ABCA4: variants seen among roughly 807,000 people sequenced by gnomAD.
The protein encoded by ABCA4 is retinal-specific phospholipid-transporting ATPase ABCA4.
In ABCA4, 196 loss-of-function variants were observed where a neutral mutation model predicts 263.7. The observed-to-expected ratio is 0.74, with a 90% CI of 0.66 to 0.84. The LOEUF is 0.84. Among genes scored for constraint, ABCA4 ranks in the 40% least tolerant of loss-of-function variants. The pLI is 0.00. For missense variants in ABCA4, 2,792 were observed against 2,855.1 expected (o/e 0.98, Z 0.50); for synonymous variants, 1,133 against 1,094.2 (o/e 1.04, Z -0.70).
intron 16 of ABCA4, 67 bp downstream of exon 16, chr1:94,055,044 G>A: frequency 7.0e-7 from 1 of 1,426,464 alleles, no homozygotes; most frequent in Non-Finnish European, 9.9e-7. Context: ...ATTTAAACTA[G>A]ATGAATGGAG....
chr1:94,054,267 C>G (rs374676287), intron 16 of ABCA4, among the ~76,000 whole-genome samples: 8 of 152,220 alleles, frequency 5.3e-5, no homozygotes, highest in African/African-American at 1.9e-4. Context: ...AAATAGACCA[C>G]ATGCATGCTC....
chr1:94,045,350 T>G (rs1365796735), intron 19 of ABCA4, among the ~76,000 whole-genome samples: 1 of 150,944 alleles, frequency 6.6e-6, no homozygotes, highest in Admixed American at 6.6e-5. Flanking sequence ...ATGGGAACTA[T>G]GACTCCCATG....
chr1:94,063,241 T>C lies in ABCA4; in HGVS notation c.1631A>G (p.Glu544Gly). ...TACCACTCCGGCCCAGAACATGTTTTCCTCCAGTAGAGAGAGGGCACGTTG... is the reference window on the plus strand; with the variant it reads ...TACCACTCCGGCCCAGAACATGTTTCCCTCCAGTAGAGAGAGGGCACGTTG... ...LTQRALSLLE[E>G]NMFWAGVVFP... Residue 544 changes from glutamate (E) to glycine (G), a missense_variant, in exon 12 of 50, where the codon GAA (glutamate) becomes GGA (glycine). Physicochemically the swap from Glu to Gly is moderately conservative, Grantham distance 98. Transcript: ENST00000370225. 4 of 1,614,174 alleles carry C rather than the reference T, an allele frequency of 2.5e-6. No homozygotes were observed. Among genetic ancestry groups the C allele is most frequent in the Non-Finnish European group, 3.4e-6 (4 of 1,180,030 alleles).
In ABCA4 at chr1:93,997,852, C is replaced by T; in HGVS notation, c.6729+9G>A. Reference sequence around the variant, plus strand: ...TTGCTCAGCTCTCGGTGCCCCAGGGCCAACTTGCCTGGTCCAGTGTGGTCT... The same window carrying T: ...TTGCTCAGCTCTCGGTGCCCCAGGGTCAACTTGCCTGGTCCAGTGTGGTCT... On this transcript the variant is annotated intron_variant, in intron 48 of 49. Transcript: ENST00000370225. 6.2e-7 allele frequency: 1 copy of T among 1,613,842 alleles called. No individual in the cohort carries two copies. Among genetic ancestry groups the T allele is most frequent in the Non-Finnish European group, 8.5e-7 (1 of 1,179,956 alleles).
intron 1 of ABCA4, among the ~76,000 whole-genome samples, chr1:94,116,545 G>A (rs1035387401): frequency 9.2e-5 from 14 of 152,196 alleles, no homozygotes; most frequent in Middle Eastern, 3.4e-3. Context: ...CTCTGTGAGA[G>A]TGTGTTTGTT....
chr1:94,072,882 A>G (rs997987792), intron 11 of ABCA4, among the ~76,000 whole-genome samples: 2 of 152,160 alleles, frequency 1.3e-5, no homozygotes, highest in African/African-American at 4.8e-5. Flanking sequence ...GAATGTATTT[A>G]TGGGGTGAAT....
chr1:94,022,078 C>G (rs767565458), intron 32 of ABCA4, 127 bp from the exon 33 acceptor site: 3 of 790,372 alleles, frequency 3.8e-6, no homozygotes, highest in Non-Finnish European at 6.6e-6. Flanking sequence ...CAACATGGCT[C>G]CACTTTACAA....
intron 36 of ABCA4, chr1:94,018,699 A>G (rs1259672543): frequency 1.4e-5 from 6 of 432,614 alleles, no homozygotes; most frequent in South Asian, 6.7e-5. Context: ...ACTACTCAAG[A>G]CACCTAGAAT....
Position 93,996,120 on chromosome 1 carries a change from G to A in ABCA4, c.6805C>T (p.Arg2269Ter), listed in dbSNP as rs372234578. 3.3e-5 allele frequency: 54 copies of A among 1,613,956 alleles called. No individual in the cohort carries two copies. The highest frequency in any genetic ancestry group is 3.5e-5 in the Non-Finnish European group (41 of 1,180,018). Residue 2269 changes from arginine (R) to a stop codon, truncating the protein, a stop_gained, in exon 49 of 50, where the codon CGA becomes TGA. Coordinates refer to ENST00000370225, the MANE Select transcript of ABCA4 (RefSeq NM_000350.3). LOFTEE classifies it high-confidence loss of function. The part of the protein sequence containing the change: ...PLHPRAAGAS[R>*]QAQD ...AGCAGCAGGGGTACCTGGGCTTGTCGACTGGCTCCAGCAGCTCGAGGGTGC... is the reference window on the plus strand; with the variant it reads ...AGCAGCAGGGGTACCTGGGCTTGTCAACTGGCTCCAGCAGCTCGAGGGTGC...
intron 1 of ABCA4, among the ~76,000 whole-genome samples, chr1:94,119,682 C>A (rs909976511): frequency 4.6e-5 from 7 of 152,144 alleles, no homozygotes; most frequent in African/African-American, 1.7e-4. Context: ...GGGGTGGGAG[C>A]TGTGTCCTGC....
intron 49 of ABCA4, among the ~76,000 whole-genome samples, chr1:93,995,526 C>T (rs1301543325): frequency 6.6e-6 from 1 of 152,176 alleles, no homozygotes; most frequent in Non-Finnish European, 1.5e-5. Context: ...CTACAAGCAC[C>T]TATTCCAAGA....
chr1:94,068,330 G>T (rs1661324821), intron 11 of ABCA4, among the ~76,000 whole-genome samples: 1 of 152,202 alleles, frequency 6.6e-6, no homozygotes, highest in Admixed American at 6.5e-5. Flanking sequence ...TCAAGGTAGA[G>T]CAATTGTAGA....
chr1:94,038,868 A>G (rs764282277), intron 24 of ABCA4, among the ~76,000 whole-genome samples: 5 of 152,098 alleles, frequency 3.3e-5, no homozygotes, highest in Non-Finnish European at 7.4e-5. Context: ...TGGGGATTCA[A>G]ATGATTTTCC....
At chr1:94,005,400 T>G in intron 44 of ABCA4, 41 bp downstream of exon 44, 1 of 1,613,670 alleles carries the variant, frequency 6.2e-7, no homozygotes, top group African/African-American at 1.3e-5. Context: ...AGGCTTGTAA[T>G]TAACCAGACT....
At chr1:94,117,656 G>A (rs936443391) in intron 1 of ABCA4, among the ~76,000 whole-genome samples, 2 of 152,098 alleles carry the variant, frequency 1.3e-5, no homozygotes, top group Admixed American at 1.3e-4. Flanking sequence ...CACGTTATCA[G>A]GATGAACTCC....
intron 30 of ABCA4, among the ~76,000 whole-genome samples, chr1:94,026,868 G>A (rs1660051473): frequency 6.6e-6 from 1 of 152,060 alleles, no homozygotes; most frequent in East Asian, 1.9e-4. Context: ...GCTGAATGAG[G>A]GATTGTGTTT....
intron 37 of ABCA4, 61 bp downstream of exon 37, chr1:94,015,678 C>T (rs946320570): frequency 7.2e-7 from 1 of 1,379,360 alleles, no homozygotes; most frequent in African/African-American, 1.4e-5. Context: ...AGGAGATGAT[C>T]CCCCACCCCC....
At chr1:94,111,258 T>G (rs375955186) in intron 3 of ABCA4, among the ~76,000 whole-genome samples, 180 bp downstream of exon 3, 3 of 152,216 alleles carry the variant, frequency 2.0e-5, no homozygotes, top group East Asian at 3.9e-4. Context: ...TCTCCCCAAG[T>G]GCCCTGACAG....
Position 94,008,224 on chromosome 1 carries a change from A to G in ABCA4, c.5898+11T>C. 2 of 1,614,050 alleles carry G rather than the reference A, an allele frequency of 1.2e-6. No individual in the cohort carries two copies. The highest frequency in any genetic ancestry group is 1.7e-6 in the Non-Finnish European group (2 of 1,179,920). ...CGGAAGCCTTTCACACGTGGTCTGC[A>G]GAGTACCCACCTCTCCAGGGCGAAC... On this transcript the variant is annotated intron_variant, in intron 42 of 49. Coordinates refer to ENST00000370225, the MANE Select transcript of ABCA4 (RefSeq NM_000350.3).
Sources: allele counts gnomAD v4.1 joint callset (sites outside exome capture counted in the v4.1 genomes callset), GRCh38; gene constraint gnomAD v4.1.1; transcripts MANE v1.5; gene names NCBI Gene and HGNC (gene_info 2026-07-23, HGNC 2026-07-21).